MAN1A1: variants seen among roughly 807,000 people sequenced by gnomAD.
The protein encoded by MAN1A1 is mannosidase alpha class 1A member 1.
MAN1A1 carries 29 observed loss-of-function variants against 70.8 expected under a neutral mutation model. The observed-to-expected ratio is 0.41, with a 90% CI of 0.31 to 0.56. The LOEUF is 0.56. MAN1A1 is among the 20% of genes least tolerant of loss of function. The pLI is 0.29. For synonymous variants in MAN1A1, 349 were observed against 330.1 expected (o/e 1.06, Z -0.62); for missense variants, 747 against 841.3 (o/e 0.89, Z 1.39).
chr6:119,236,736 G>A (rs1582723230), intron 6 of MAN1A1, among the ~76,000 whole-genome samples: 1 of 147,970 alleles, frequency 6.8e-6, no homozygotes, highest in Admixed American at 6.7e-5. Context: ...AAGGAATTTT[G>A]ACTTTCAAGT....
chr6:119,270,792 G>A (rs1200660631), intron 5 of MAN1A1, among the ~76,000 whole-genome samples: 1 of 152,026 alleles, frequency 6.6e-6, no homozygotes, highest in East Asian at 1.9e-4. Context: ...CCCTTGAGTT[G>A]GTCATTAAAA....
At chr6:119,263,955 T>C (rs1034125248) in intron 5 of MAN1A1, among the ~76,000 whole-genome samples, 30 of 152,220 alleles carry the variant, frequency 2.0e-4, no homozygotes, top group African/African-American at 7.0e-4. Flanking sequence ...ATAGAAGAAA[T>C]GTTTCCTTCA....
At chr6:119,238,004 C>T (rs1002992321) in intron 6 of MAN1A1, among the ~76,000 whole-genome samples, 8 of 152,140 alleles carry the variant, frequency 5.3e-5, no homozygotes, top group Non-Finnish European at 1.0e-4. Context: ...GACTTACATC[C>T]CTGCTCTTTC....
intron 5 of MAN1A1, among the ~76,000 whole-genome samples, chr6:119,288,908 G>A (rs1776454300): frequency 6.6e-6 from 1 of 151,512 alleles, no homozygotes; most frequent in African/African-American, 2.4e-5. Context: ...AGTGATAATG[G>A]CAAAACAGAC....
At chr6:119,272,586 A>G (rs1222520437) in intron 5 of MAN1A1, among the ~76,000 whole-genome samples, 2 of 152,204 alleles carry the variant, frequency 1.3e-5, no homozygotes, top group African/African-American at 4.8e-5. Context: ...ATCTATAGCA[A>G]TAATATATTA....
chr6:119,284,099 G>T (rs1776292197), intron 5 of MAN1A1, among the ~76,000 whole-genome samples: 1 of 152,218 alleles, frequency 6.6e-6, no homozygotes, highest in East Asian at 1.9e-4. Flanking sequence ...TCACTAAAAT[G>T]TAAGCTCCAC....
intron 7 of MAN1A1, 120 bp from the exon 8 acceptor site, chr6:119,201,467 T>C: frequency 1.5e-6 from 1 of 661,166 alleles, no homozygotes; most frequent in Non-Finnish European, 2.7e-6. Flanking sequence ...AGATAACTGC[T>C]GTTAGCTTAT....
intron 5 of MAN1A1, among the ~76,000 whole-genome samples, chr6:119,281,032 T>C (rs917520963): frequency 2.0e-5 from 3 of 152,182 alleles, no homozygotes; most frequent in Non-Finnish European, 1.5e-5. Context: ...GGGCAGTATA[T>C]GTCTGTCTGT....
intron 2 of MAN1A1, among the ~76,000 whole-genome samples, chr6:119,317,639 T>C (rs1377778504): frequency 6.6e-6 from 1 of 152,190 alleles, no homozygotes; most frequent in African/African-American, 2.4e-5. Flanking sequence ...GCAGTTTAAT[T>C]ATCCATTTAC....
chr6:119,330,370 A>C (rs1165721198), intron 2 of MAN1A1, among the ~76,000 whole-genome samples: 1 of 151,766 alleles, frequency 6.6e-6, no homozygotes, highest in African/African-American at 2.4e-5. Flanking sequence ...GAACCCAAGA[A>C]CCTCTTTATC....
intron 5 of MAN1A1, among the ~76,000 whole-genome samples, chr6:119,289,917 T>C (rs1467332442): frequency 1.3e-5 from 2 of 152,002 alleles, no homozygotes; most frequent in African/African-American, 4.8e-5. Context: ...GACGTGCAAC[T>C]GAAATATGTG....
intron 6 of MAN1A1, among the ~76,000 whole-genome samples, chr6:119,215,105 C>T (rs1399035696): frequency 3.3e-5 from 5 of 151,288 alleles, no homozygotes; most frequent in South Asian, 2.1e-4. Flanking sequence ...TGTTAAATGA[C>T]GAGTTAATGG....
At position 119,349,556 on chromosome 6, in the gene MAN1A1, G is replaced by A; in HGVS notation, c.-237C>T. On this transcript the variant is annotated 5_prime_UTR_variant, in exon 1 of 13. Coordinates refer to ENST00000368468, the MANE Select transcript of MAN1A1 (RefSeq NM_005907.4). ...GGGCAGCGCACCTCTGGGCAGGAGG[G>A]GCGCAGCGTGGGCGGGAGACTCGTC... 1 of 986,174 alleles carries A rather than the reference G, an allele frequency of 1.0e-6. No homozygotes were observed. The highest frequency in any genetic ancestry group is 1.2e-6 in the Non-Finnish European group (1 of 830,176). 61.1% of individuals were successfully genotyped at this position (986,174 alleles called of 1,614,324 possible).
chr6:119,242,250 C>T (rs537169694), intron 6 of MAN1A1, among the ~76,000 whole-genome samples: 14 of 152,154 alleles, frequency 9.2e-5, no homozygotes, highest in South Asian at 4.2e-4. Flanking sequence ...AAAACCTAAT[C>T]GGCTGAACAG....
At position 119,349,057 on chromosome 6, in the gene MAN1A1, C is replaced by T. The variant is rs974580839; in HGVS notation, c.9G>A (p.Val3=). 1.5e-6 allele frequency: 2 copies of T among 1,320,270 alleles called. No individual in the cohort carries two copies. Among genetic ancestry groups the T allele is most frequent in the African/African-American group, 3.1e-5 (2 of 65,216 alleles). 81.8% of individuals were successfully genotyped at this position (1,320,270 alleles called of 1,614,324 possible). A position where few individuals can be genotyped will look rare whatever the true frequency, so the allele number is the denominator to read the frequency against. The change falls in exon 2 of 13, where the codon GTG becomes GTA. Residue 3 remains valine (V), a synonymous_variant. Transcript: ENST00000368468. ...TGCTGAAGAGCGGCAACAGGCCCCC[C>T]ACGGGCATCGCTCCCGCTGTCCAGT... MP[V]GGLLPLFSSP...
chr6:119,230,318 G>A (rs374541376), intron 6 of MAN1A1, among the ~76,000 whole-genome samples: 1 of 152,102 alleles, frequency 6.6e-6, no homozygotes, highest in East Asian at 1.9e-4. Context: ...ACACAAACAC[G>A]ACCATGTCCT....
chr6:119,185,844 G>GT (rs63362861), intron 11 of MAN1A1, among the ~76,000 whole-genome samples: 2,286 of 132,122 alleles, frequency 0.017, 25 homozygotes, highest in Middle Eastern at 0.07. Flanking sequence ...TGGCCTCCCA[G>GT]TTTTTTTTTT....
rs1367463716 is a variant in MAN1A1 at position 119,224,759 on chromosome 6, CATTCAAAGA to C, written c.993-19886_993-19878del. Among the ~76,000 whole-genome samples the C allele has an allele frequency of 2.0e-5, 3 of 152,110 alleles. No individual in the cohort carries two copies. The East Asian group carries it at 5.8e-4, about 29-fold the overall frequency. ...TGACTTCAAAGCAACTATTTAAATA[CATTCAAAGA>C]ATTCAAAGAAAATGTGCTAAATAAA... On this transcript the variant is annotated intron_variant, in intron 6 of 12. Coordinates refer to ENST00000368468, the MANE Select transcript of MAN1A1 (RefSeq NM_005907.4).
intron 2 of MAN1A1, among the ~76,000 whole-genome samples, chr6:119,334,862 T>C (rs937339746): frequency 3.3e-5 from 5 of 152,280 alleles, no homozygotes; most frequent in Admixed American, 6.5e-5. Context: ...TTTCTTTCTA[T>C]GCCCTGAAGG....
Sources: allele counts gnomAD v4.1 joint callset (sites outside exome capture counted in the v4.1 genomes callset), GRCh38; gene constraint gnomAD v4.1.1; transcripts MANE v1.5; gene names NCBI Gene and HGNC (gene_info 2026-07-23, HGNC 2026-07-21).